SKIC3: variants seen among roughly 807,000 people sequenced by gnomAD.
SKIC3 encodes SKI3 subunit of superkiller complex, also known as superkiller complex protein 3.
At chr5:95,508,420 A>T in the SKIC3 span, among the ~76,000 whole-genome samples, 1 of 152,204 alleles carries the variant, frequency 6.6e-6, no homozygotes, top group African/African-American at 2.4e-5. Flanking sequence ...CCAGCTGGTC[A>T]TTCCATTGTA....
the SKIC3 span, among the ~76,000 whole-genome samples, chr5:95,527,705 T>A: frequency 6.6e-6 from 1 of 152,162 alleles, no homozygotes; most frequent in Admixed American, 6.5e-5. Flanking sequence ...AAGGAAAAAA[T>A]TTGGAATCTC....
chr5:95,523,140 T>G, the SKIC3 span: 1 of 1,599,984 alleles, frequency 6.3e-7, no homozygotes, highest in Non-Finnish European at 8.6e-7. Context: ...ACAATTAAAA[T>G]GCTTAATTTA....
At chr5:95,535,971 T>C in the SKIC3 span, among the ~76,000 whole-genome samples, 1 of 151,972 alleles carries the variant, frequency 6.6e-6, no homozygotes, top group East Asian at 1.9e-4. Context: ...GAGTAGGGCA[T>C]GAAATTCAGG....
At chr5:95,469,699 TTA>T in the SKIC3 span, 1 of 1,593,368 alleles carries the variant, frequency 6.3e-7, no homozygotes, top group Non-Finnish European at 8.6e-7. Flanking sequence ...ACTTTAAAGT[TTA>T]TAATCTTTCC....
chr5:95,481,674 A>G, the SKIC3 span, among the ~76,000 whole-genome samples: 1 of 152,138 alleles, frequency 6.6e-6, no homozygotes, highest in Non-Finnish European at 1.5e-5. Context: ...TAAATCCTAA[A>G]TCTCATACAG....
At chr5:95,524,688 G>C in the SKIC3 span, 1 of 1,531,284 alleles carries the variant, frequency 6.5e-7, no homozygotes, top group Admixed American at 1.7e-5. Flanking sequence ...ATCAAAGTTT[G>C]AGTGATTCAG....
chr5:95,528,828 C>A, the SKIC3 span: 2 of 632,356 alleles, frequency 3.2e-6, no homozygotes, highest in Admixed American at 2.8e-5. Context: ...AAAATAAACA[C>A]ACTAGTACAC....
the SKIC3 span, among the ~76,000 whole-genome samples, chr5:95,542,523 T>C: frequency 3.8e-3 from 583 of 152,242 alleles, 4 homozygotes; most frequent in South Asian, 7.3e-3. Context: ...TCTGTGAAAA[T>C]TGTCATTTTT....
the SKIC3 span, among the ~76,000 whole-genome samples, chr5:95,498,873 T>C: frequency 2.0e-5 from 3 of 152,060 alleles, no homozygotes; most frequent in Non-Finnish European, 4.4e-5. Flanking sequence ...GATCCGCCCA[T>C]CTCGGCCTCC....
chr5:95,528,371 A>G, the SKIC3 span, among the ~76,000 whole-genome samples: 10 of 152,180 alleles, frequency 6.6e-5, no homozygotes. Context: ...TAAAACCTCT[A>G]TCTTCACACA....
the SKIC3 span, chr5:95,548,588 T>C: frequency 6.6e-6 from 1 of 152,148 alleles, no homozygotes; most frequent in East Asian, 1.9e-4. Flanking sequence ...GGTATATATT[T>C]ATAGGTGAAA....
chr5:95,529,127 A>G, the SKIC3 span: 1 of 1,607,672 alleles, frequency 6.2e-7, no homozygotes, highest in Non-Finnish European at 8.5e-7. Context: ...ACAATCACAA[A>G]AAACAAGGTT....
At chr5:95,549,434 G>T in the SKIC3 span, among the ~76,000 whole-genome samples, 1 of 152,052 alleles carries the variant, frequency 6.6e-6, no homozygotes, top group African/African-American at 2.4e-5. Context: ...TTTTTAAGTA[G>T]GTTGTTTTTA....
chr5:95,534,562 C>T, the SKIC3 span, among the ~76,000 whole-genome samples: 1 of 152,162 alleles, frequency 6.6e-6, no homozygotes, highest in Non-Finnish European at 1.5e-5. Flanking sequence ...GCCTCACAAT[C>T]ATAAACTCAG....
the SKIC3 span, among the ~76,000 whole-genome samples, chr5:95,508,924 A>C: frequency 1.4e-4 from 22 of 152,244 alleles, no homozygotes; most frequent in African/African-American, 5.1e-4. Context: ...ACATGTTCAA[A>C]TCTAATAAAG....
At chr5:95,546,418 C>T in the SKIC3 span, among the ~76,000 whole-genome samples, 4 of 151,510 alleles carry the variant, frequency 2.6e-5, no homozygotes, top group East Asian at 7.7e-4. Context: ...TAACCAATAA[C>T]CAAGTCTTCT....
the SKIC3 span, among the ~76,000 whole-genome samples, chr5:95,476,878 TTAA>T: frequency 6.6e-6 from 1 of 152,218 alleles, no homozygotes; most frequent in Non-Finnish European, 1.5e-5. Flanking sequence ...ATTAAATAAG[TTAA>T]TAAGAGTAAA....
chr5:95,514,713 G>A, the SKIC3 span: 1 of 696,226 alleles, frequency 1.4e-6, no homozygotes. Context: ...AACTGAAATA[G>A]TGTATACAAA....
the SKIC3 span, among the ~76,000 whole-genome samples, chr5:95,499,530 G>A: frequency 2.6e-5 from 4 of 152,114 alleles, no homozygotes; most frequent in African/African-American, 9.7e-5. Flanking sequence ...ATAGCAGTGT[G>A]AGAACTAATA....
Sources: gnomAD v4.1 joint callset for allele counts (sites outside exome capture counted in the v4.1 genomes callset) on GRCh38, gnomAD v4.1.1 for gene constraint, MANE v1.5 for transcripts, NCBI Gene and HGNC (gene_info 2026-07-23, HGNC 2026-07-21) for gene names.